The following SPOPL variants were observed in gnomAD, a reference collection of about 807,000 sequenced individuals.
SPOPL encodes speckle-type POZ protein-like.
A neutral mutation model predicts 53.8 loss-of-function variants in SPOPL; 23 were observed. The ratio of observed to expected loss-of-function variants is 0.43; its 90% CI spans 0.31 to 0.61. The LOEUF (loss-of-function observed/expected upper bound fraction) is 0.61, where lower values mean the gene tolerates loss of function less well. SPOPL is among the 20% of genes least tolerant of loss of function. The probability of loss-of-function intolerance (pLI) is 0.12; values close to 1 mark genes in which losing one functional copy is unlikely to be tolerated. For synonymous variants in SPOPL, 164 were observed against 149.7 expected (o/e 1.10, Z -0.70); for missense variants, 442 against 466.9 (o/e 0.95, Z 0.49).
At chr2:138,543,119 G>A (rs1008613088) in intron 1 of SPOPL, among the ~76,000 whole-genome samples, 4 of 152,260 alleles carry the variant, frequency 2.6e-5, no homozygotes, top group East Asian at 1.9e-4. Flanking sequence ...TTAGTCTGAC[G>A]GGCTTCCCTT....
chr2:138,556,928 G>A (rs543146387), intron 5 of SPOPL, among the ~76,000 whole-genome samples: 2 of 152,218 alleles, frequency 1.3e-5, no homozygotes, highest in South Asian at 2.1e-4. Context: ...AGGCTGAGGC[G>A]GGTAGATCAC....
chr2:138,556,252 A>G (rs1276607374), intron 5 of SPOPL, among the ~76,000 whole-genome samples: 1 of 152,216 alleles, frequency 6.6e-6, no homozygotes, highest in East Asian at 1.9e-4. Flanking sequence ...TATACAAAAT[A>G]CAAATATAAC....
At chr2:138,507,712 T>G (rs1261829726) in intron 1 of SPOPL, among the ~76,000 whole-genome samples, 2 of 152,240 alleles carry the variant, frequency 1.3e-5, no homozygotes, top group Non-Finnish European at 2.9e-5. Flanking sequence ...GGTTTCTCAC[T>G]TGAACTTGTA....
At chr2:138,535,830 A>C (rs569778307) in intron 1 of SPOPL, among the ~76,000 whole-genome samples, 3 of 151,248 alleles carry the variant, frequency 2.0e-5, no homozygotes, top group Non-Finnish European at 4.4e-5. Flanking sequence ...TTTTCTTCAT[A>C]TTTTTCTGTC....
chr2:138,562,783 C>CAA lies in SPOPL; in HGVS notation c.837+1875_837+1876dup, dbSNP rs35397774. On this transcript the variant is annotated intron_variant, in intron 8 of 10. Transcript: ENST00000280098. Reference sequence around the variant, plus strand: ...TGGGCAAAAGAGCAAGATTCCATCTCAAAAAAAAAAAAAAAAAAAAGTAAT... The same window carrying CAA: ...TGGGCAAAAGAGCAAGATTCCATCTCAAAAAAAAAAAAAAAAAAAAAAGTAAT... Among the ~76,000 whole-genome samples, 475 of 64,010 alleles carry CAA rather than the reference C, an allele frequency of 7.4e-3. 8 individuals carry two copies. The highest frequency in any genetic ancestry group is 0.015 in the African/African-American group (298 of 19,258). The allele number at this position is 64,010 out of a possible 152,430, so 42.0% of individuals were successfully genotyped here.
chr2:138,523,600 T>G (rs1273543675), intron 1 of SPOPL, among the ~76,000 whole-genome samples: 1 of 152,130 alleles, frequency 6.6e-6, no homozygotes, highest in Non-Finnish European at 1.5e-5. Context: ...GTTAGTTACC[T>G]CCTAGATACA....
chr2:138,559,361 A>G (rs1382801553), intron 7 of SPOPL, 24 bp downstream of exon 7: 1 of 1,589,920 alleles, frequency 6.3e-7, no homozygotes, highest in Admixed American at 1.8e-5. Flanking sequence ...AAAGGCTAAT[A>G]TTGAATTTAT....
rs777787109 is a variant in SPOPL, at chr2:138,551,008, C to G, written c.306C>G (p.Phe102Leu). ...SCPKSEVRAK[F>L]KFSLLNAKRE... ...CCAAAAGTGAAGTTCGAGCAAAATT[C>G]AAATTTTCCCTTCTGAATGCTAAAA... Residue 102 changes from phenylalanine to leucine, a missense_variant, in exon 4 of 11, where the codon TTC (phenylalanine) becomes TTG (leucine). Transcript: ENST00000280098. The G allele has an allele frequency of 1.2e-6, 2 of 1,613,364 alleles. No individual in the cohort carries two copies. The highest frequency in any genetic ancestry group is 4.5e-5 in the East Asian group (2 of 44,816).
At chr2:138,528,423 A>T (rs1684724861) in intron 1 of SPOPL, among the ~76,000 whole-genome samples, 1 of 152,192 alleles carries the variant, frequency 6.6e-6, no homozygotes, top group Non-Finnish European at 1.5e-5. Flanking sequence ...CTCTGACTTG[A>T]ATTTTTAAAA....
intron 1 of SPOPL, among the ~76,000 whole-genome samples, chr2:138,514,894 A>G (rs527264997): frequency 1.3e-4 from 20 of 152,152 alleles, no homozygotes; most frequent in Admixed American, 4.6e-4. Context: ...ATATTTAGCC[A>G]TTCTGGTGGG....
chr2:138,554,489 T>G, intron 5 of SPOPL: 10 of 1,289,652 alleles, frequency 7.8e-6, no homozygotes, highest in Non-Finnish European at 1.0e-5. Context: ...CTACCCTTCC[T>G]AAAGAACTGC....
intron 1 of SPOPL, among the ~76,000 whole-genome samples, chr2:138,516,574 C>CAGG (rs1245837665): frequency 4.6e-5 from 7 of 152,008 alleles, no homozygotes; most frequent in Non-Finnish European, 7.4e-5. Context: ...TGCACTCATC[C>CAGG]AAGGTGATGA....
chr2:138,526,151 G>A (rs1029610083), intron 1 of SPOPL, among the ~76,000 whole-genome samples: 1 of 151,986 alleles, frequency 6.6e-6, no homozygotes, highest in African/African-American at 2.4e-5. Context: ...CAATTCTAAT[G>A]ATTTTTTAAA....
intron 1 of SPOPL, among the ~76,000 whole-genome samples, chr2:138,526,918 G>A (rs963215867): frequency 5.3e-5 from 8 of 152,106 alleles, no homozygotes; most frequent in Admixed American, 2.0e-4. Flanking sequence ...TAGAGACAGG[G>A]TTTTGCCATG....
intron 5 of SPOPL, 122 bp from the exon 6 acceptor site, chr2:138,558,900 T>C (rs980468374): frequency 6.0e-6 from 4 of 663,236 alleles, no homozygotes; most frequent in Non-Finnish European, 8.9e-6. Flanking sequence ...ATTAGAAATT[T>C]TGATTAGGAG....
chr2:138,569,390 A>G lies in SPOPL; in HGVS notation c.*310A>G, dbSNP rs1286400989. ...GGCTATGCAGGATTGCACTAGCTCC[A>G]TAATGCAGTAATATTGATAACTGAA... On this transcript the variant is annotated 3_prime_UTR_variant, in exon 11 of 11. Transcript: ENST00000280098. The G allele has an allele frequency of 5.6e-5, 13 of 230,380 alleles. 1 individual carries two copies. In the East Asian group the frequency reaches 1.0e-3, roughly 19 times the overall value. The allele number at this position is 230,380 out of a possible 1,614,324, so 14.3% of individuals were successfully genotyped here. A position where few individuals can be genotyped will look rare whatever the true frequency, so the allele number is the denominator to read the frequency against.
chr2:138,542,668 A>T (rs1685100204), intron 1 of SPOPL, among the ~76,000 whole-genome samples: 1 of 152,108 alleles, frequency 6.6e-6, no homozygotes, highest in South Asian at 2.1e-4. Context: ...CAGCACACTG[A>T]TGGGTCTTGA....
chr2:138,561,864 C>T (rs1483800196), intron 8 of SPOPL, among the ~76,000 whole-genome samples: 1 of 151,672 alleles, frequency 6.6e-6, no homozygotes, highest in Non-Finnish European at 1.5e-5. Flanking sequence ...TCAGCCCTTG[C>T]CCCCCTCCCT....
chr2:138,551,686 T>G (rs953698547), intron 4 of SPOPL, among the ~76,000 whole-genome samples: 9 of 152,074 alleles, frequency 5.9e-5, no homozygotes, highest in Non-Finnish European at 1.3e-4. Flanking sequence ...TACAGAAAAT[T>G]CACATTCACA....
Sources: allele counts gnomAD v4.1 joint callset (sites outside exome capture counted in the v4.1 genomes callset), GRCh38; gene constraint gnomAD v4.1.1; transcripts MANE v1.5; gene names NCBI Gene and HGNC (gene_info 2026-07-23, HGNC 2026-07-21).